Variants in RBL1 observed in about 807,000 individuals in gnomAD.
RBL1 encodes the protein RB transcriptional corepressor like 1.
In RBL1, 82 loss-of-function variants were observed where a neutral mutation model predicts 123.0. The ratio of observed to expected loss-of-function variants is 0.67; its 90% CI spans 0.56 to 0.80. The LOEUF (loss-of-function observed/expected upper bound fraction) is 0.80. Ranked by LOEUF, RBL1 falls within the 30% of genes least tolerant of loss-of-function variation. The probability of loss-of-function intolerance (pLI) is 0.00; values close to 1 mark genes in which losing one functional copy is unlikely to be tolerated. For synonymous variants in RBL1, 405 were observed against 441.3 expected, an observed-to-expected ratio of 0.92 and a Z score of 1.03; for missense variants, 1,171 against 1,299.6, an observed-to-expected ratio of 0.90 and a Z score of 1.52.
intron 2 of RBL1, among the ~76,000 whole-genome samples, chr20:37,076,959 CAG>C (rs1001823463): frequency 2.9e-5 from 4 of 138,786 alleles, no homozygotes; most frequent in African/African-American, 1.1e-4. Context: ...TTTTTTGAGG[CAG>C]AGTCTTGCTC....
intron 11 of RBL1, among the ~76,000 whole-genome samples, chr20:37,051,103 T>A (rs962414312): frequency 6.6e-6 from 1 of 152,126 alleles, no homozygotes; most frequent in Non-Finnish European, 1.5e-5. Context: ...CTACACAGCA[T>A]ACATACAATA....
chr20:37,079,250 C>CA (rs2065412187), intron 2 of RBL1, among the ~76,000 whole-genome samples: 1 of 145,246 alleles, frequency 6.9e-6, no homozygotes, highest in Admixed American at 6.9e-5. Flanking sequence ...GCAGTGTAGA[C>CA]AAAAAATAAC....
chr20:37,094,995 C>T (rs2065707049), intron 1 of RBL1, among the ~76,000 whole-genome samples: 1 of 152,216 alleles, frequency 6.6e-6, no homozygotes, highest in Admixed American at 6.5e-5. Context: ...TTGCCATTAT[C>T]ACCTGGAAAG....
chr20:37,074,956 C>A (rs550167205), intron 2 of RBL1, among the ~76,000 whole-genome samples: 13 of 152,154 alleles, frequency 8.5e-5, no homozygotes, highest in African/African-American at 1.2e-4. Context: ...AATCAATAGC[C>A]AAAAGGTAGA....
At chr20:37,095,385 G>T (rs891368170) in intron 1 of RBL1, among the ~76,000 whole-genome samples, 1 of 152,188 alleles carries the variant, frequency 6.6e-6, no homozygotes, top group Non-Finnish European at 1.5e-5. Context: ...GGGTTCAGAC[G>T]GAACTGAGGG....
chr20:37,049,175 C>T (rs994774712), intron 11 of RBL1: 5 of 308,596 alleles, frequency 1.6e-5, no homozygotes, highest in Non-Finnish European at 3.1e-5. Flanking sequence ...GCACTCCAGC[C>T]AGGGTGACAG....
rs1568852244 is a variant in RBL1, at chr20:37,044,228, G to A, written c.1628C>T (p.Ser543Leu). Reference protein sequence around the residue: ...FYKVIEVVIRSEEGLSRDMVK... With the variant: ...FYKVIEVVIRLEEGLSRDMVK... ...CATGTCCCTTGAGAGCCCCTCTTCT[G>A]AGCGGATCACCACCTCAATAACCTG... Residue 543 changes from serine to leucine, a missense_variant, in exon 13 of 22, where the codon TCA (serine) becomes TTA (leucine). Physicochemically the swap from Ser to Leu is moderately radical, Grantham distance 145. Transcript: ENST00000373664. 1 of 1,613,678 alleles carries A rather than the reference G, an allele frequency of 6.2e-7. No individual in the cohort carries two copies. The highest frequency in any genetic ancestry group is 2.2e-5 in the East Asian group (1 of 44,866).
chr20:37,079,082 A>G (rs542094340), intron 2 of RBL1, among the ~76,000 whole-genome samples: 3 of 151,748 alleles, frequency 2.0e-5, no homozygotes, highest in South Asian at 4.2e-4. Context: ...TGTACCTGTT[A>G]AGTCCCAGCT....
intron 2 of RBL1, among the ~76,000 whole-genome samples, chr20:37,079,802 T>C (rs1336386336): frequency 2.6e-5 from 4 of 152,180 alleles, no homozygotes; most frequent in Non-Finnish European, 5.9e-5. Flanking sequence ...AAGGTTTCTA[T>C]ATGTAAGCTA....
At chr20:37,025,469 A>G (rs2064404242) in intron 16 of RBL1, among the ~76,000 whole-genome samples, 1 of 152,090 alleles carries the variant, frequency 6.6e-6, no homozygotes, top group Non-Finnish European at 1.5e-5. Flanking sequence ...GCAGTGAGCC[A>G]TGATCTTGCC....
chr20:37,086,083 T>C (rs898836810), intron 2 of RBL1, among the ~76,000 whole-genome samples: 1 of 152,172 alleles, frequency 6.6e-6, no homozygotes, highest in African/African-American at 2.4e-5. Flanking sequence ...ACATTTGTTT[T>C]GTTATAATTC....
At chr20:37,091,074 T>G (rs1259454942) in intron 1 of RBL1, among the ~76,000 whole-genome samples, 2 of 152,256 alleles carry the variant, frequency 1.3e-5, no homozygotes, top group South Asian at 2.1e-4. Context: ...GAATTACGGA[T>G]AGGCCGGTGC....
rs111491233 is a variant in RBL1, at chr20:37,026,467, A to C, written c.2383-3641T>G. On this transcript the variant is annotated intron_variant, in intron 16 of 21. Transcript: ENST00000373664. Reference sequence around the variant, plus strand: ...ATGCCTGTAATCCCAGCACTTTGAGAGGCCAAGACGGGTGGATCACGAGGT... The same window carrying C: ...ATGCCTGTAATCCCAGCACTTTGAGCGGCCAAGACGGGTGGATCACGAGGT... 4.0e-3 allele frequency among the ~76,000 whole-genome samples: 615 copies of C among 152,194 alleles called. 7 individuals carry two copies. The highest frequency in any genetic ancestry group is 0.014 in the African/African-American group (591 of 41,530).
chr20:37,007,681 C>G, intron 19 of RBL1, 122 bp from the exon 20 acceptor site: 1 of 923,894 alleles, frequency 1.1e-6, no homozygotes, highest in Non-Finnish European at 1.6e-6. Context: ...CAGCCCTGAC[C>G]TCCTGGATTC....
Position 37,068,198 on chromosome 20 carries a change from AAGG to A in RBL1, c.291-15_291-13del, listed in dbSNP as rs763984834. The stretch of plus-strand genomic sequence containing the variant: ...AAAATTGTATTAAACTAAAAAAAAA[AAGG>A]AGGAGAAAAAAGGCACCTTTAAAAT... On this transcript the variant is annotated splice_polypyrimidine_tract_variant and intron_variant, in intron 2 of 21. Coordinates refer to ENST00000373664, the MANE Select transcript of RBL1 (RefSeq NM_002895.5). 69 of 1,540,252 alleles carry A rather than the reference AAGG, an allele frequency of 4.5e-5. No individual in the cohort carries two copies. Among genetic ancestry groups the A allele is most frequent in the Admixed American group, 1.4e-4 (6 of 42,912 alleles).
intron 1 of RBL1, among the ~76,000 whole-genome samples, chr20:37,089,372 CT>C (rs1358257851): frequency 6.6e-6 from 1 of 151,818 alleles, no homozygotes; most frequent in Non-Finnish European, 1.5e-5. Context: ...AGATAAAAGC[CT>C]GGCTTGGTGG....
chr20:36,999,764 G>T lies in RBL1; in HGVS notation c.3037-835C>A, dbSNP rs1164947063. 8.5e-5 allele frequency among the ~76,000 whole-genome samples: 13 copies of T among 152,364 alleles called. No individual in the cohort carries two copies. In the East Asian group the frequency reaches 2.5e-3, roughly 29 times the overall value. ...CAGCCTCGGCCTCCCGAGGTGCCGG[G>T]ATGGCAGACGGAGTCGCGTTTACTC... On this transcript the variant is annotated intron_variant, in intron 21 of 21. Coordinates refer to ENST00000373664, the MANE Select transcript of RBL1 (RefSeq NM_002895.5).
intron 19 of RBL1, among the ~76,000 whole-genome samples, chr20:37,013,146 G>A (rs909952745): frequency 6.6e-6 from 1 of 151,984 alleles, no homozygotes; most frequent in Non-Finnish European, 1.5e-5. Context: ...GGAATAGAAA[G>A]GGGGGAAAGG....
intron 17 of RBL1, chr20:37,022,019 T>C (rs1340165391): frequency 6.6e-6 from 1 of 152,156 alleles, no homozygotes; most frequent in Non-Finnish European, 1.5e-5. Context: ...GCAGTAACAA[T>C]TATTAAGACC....
Sources: allele counts gnomAD v4.1 joint callset (sites outside exome capture counted in the v4.1 genomes callset), GRCh38; gene constraint gnomAD v4.1.1; transcripts MANE v1.5; gene names NCBI Gene and HGNC (gene_info 2026-07-23, HGNC 2026-07-21).